The following PRR5 variants were observed in gnomAD, a reference collection of about 807,000 sequenced individuals.
The protein encoded by PRR5 is proline-rich protein 5.
A neutral mutation model predicts 30.6 loss-of-function variants in PRR5; 25 were observed. The ratio of observed to expected loss-of-function variants is 0.82; its 90% CI spans 0.60 to 1.14. The LOEUF (loss-of-function observed/expected upper bound fraction) is 1.14. Ranked by LOEUF, PRR5 falls within the 50% of genes most tolerant of loss-of-function variation. The pLI, the probability that PRR5 is intolerant of heterozygous loss-of-function variation, is 0.00. For missense variants in PRR5, 600 were observed against 547.1 expected (o/e 1.10, Z -0.96); for synonymous variants, 286 against 247.1 (o/e 1.16, Z -1.48).
chr22:44,735,274 C>G, intron 7 of PRR5, 112 bp downstream of exon 7: 1 of 1,372,526 alleles, frequency 7.3e-7, no homozygotes, highest in Non-Finnish European at 9.8e-7. Context: ...TGACTCCAGA[C>G]TGGTTCTCAG....
intron 2 of PRR5, among the ~76,000 whole-genome samples, chr22:44,717,433 C>G (rs1306512016): frequency 6.6e-6 from 1 of 152,060 alleles, no homozygotes; most frequent in East Asian, 1.9e-4. Context: ...CTCAGATGAT[C>G]CACCCGTCTC....
At chr22:44,699,339 G>C (rs2146991955), upstream of PRR5, among the ~76,000 whole-genome samples, 1 of 152,310 alleles carries the variant, frequency 6.6e-6, no homozygotes, top group Admixed American at 6.5e-5. Context: ...AGCAAGCTTG[G>C]GACCAGGCTG....
chr22:44,698,544 A>G (rs1925973042), upstream of PRR5, among the ~76,000 whole-genome samples: 1 of 152,076 alleles, frequency 6.6e-6, no homozygotes, highest in Non-Finnish European at 1.5e-5. Flanking sequence ...GCCACAATAC[A>G]ATTGCTGGGT....
chr22:44,728,191 G>A (rs184013378), intron 4 of PRR5, among the ~76,000 whole-genome samples: 5 of 152,316 alleles, frequency 3.3e-5, no homozygotes, highest in East Asian at 1.9e-4. Flanking sequence ...CTTCTGCCTC[G>A]CCAGCCCTTC....
intron 1 of PRR5, among the ~76,000 whole-genome samples, chr22:44,694,487 C>T (rs560104602): frequency 1.7e-4 from 26 of 152,284 alleles, no homozygotes; most frequent in Admixed American, 1.4e-3. Flanking sequence ...TAGCCGAGAT[C>T]GTGCCACTGC....
chr22:44,718,281 G>A (rs1480421941), intron 2 of PRR5, among the ~76,000 whole-genome samples: 2 of 132,194 alleles, frequency 1.5e-5, no homozygotes, highest in Admixed American at 9.3e-5. Context: ...TGCAACCTCC[G>A]CCTCCCGGGT....
chr22:44,719,874 A>G (rs951898349), intron 2 of PRR5, among the ~76,000 whole-genome samples: 1 of 152,194 alleles, frequency 6.6e-6, no homozygotes, highest in African/African-American at 2.4e-5. Flanking sequence ...GGAAGCAGCA[A>G]ACCCCCTGGA....
chr22:44,672,466 C>T (rs1044175971), upstream of PRR5, among the ~76,000 whole-genome samples: 2 of 152,132 alleles, frequency 1.3e-5, no homozygotes, highest in African/African-American at 4.8e-5. Flanking sequence ...CACCTGTAGT[C>T]CCAGCTACTC....
intron 1 of PRR5, among the ~76,000 whole-genome samples, chr22:44,695,386 G>C (rs748955551): frequency 7.9e-5 from 12 of 152,168 alleles, no homozygotes; most frequent in Non-Finnish European, 1.0e-4. Context: ...CAATAACAAG[G>C]GTGGCACCAG....
At chr22:44,710,255 A>G (rs1479782043) in intron 1 of PRR5, among the ~76,000 whole-genome samples, 1 of 150,746 alleles carries the variant, frequency 6.6e-6, no homozygotes, top group Non-Finnish European at 1.5e-5. Flanking sequence ...GAGCCTCCCT[A>G]AGGATCCTCC....
At chr22:44,678,391 C>T (rs1035412709) in intron 1 of PRR5, among the ~76,000 whole-genome samples, 14 of 146,732 alleles carry the variant, frequency 9.5e-5, no homozygotes, top group African/African-American at 3.3e-4. Flanking sequence ...GGCGCAATCT[C>T]GGCTCACTGC....
chr22:44,681,329 C>T (rs1335538660), intron 1 of PRR5, among the ~76,000 whole-genome samples: 3 of 152,122 alleles, frequency 2.0e-5, no homozygotes, highest in African/African-American at 4.8e-5. Context: ...GTGGCTTATG[C>T]CTCTAATCCC....
At chr22:44,703,353 T>G (rs974646379) in intron 1 of PRR5, among the ~76,000 whole-genome samples, 2 of 132,354 alleles carry the variant, frequency 1.5e-5, no homozygotes, top group African/African-American at 6.3e-5. Flanking sequence ...TGGACACTGT[T>G]CGGGGGAGGC....
At chr22:44,709,943 G>T (rs924316111) in intron 1 of PRR5, among the ~76,000 whole-genome samples, 5 of 152,168 alleles carry the variant, frequency 3.3e-5, no homozygotes, top group African/African-American at 9.7e-5. Context: ...GGGGTAATTT[G>T]TTATGGCCGC....
At chr22:44,723,746 G>A (rs945597077) in intron 2 of PRR5, among the ~76,000 whole-genome samples, 9 of 152,272 alleles carry the variant, frequency 5.9e-5, no homozygotes, top group Admixed American at 3.3e-4. Context: ...AAATAAAACA[G>A]TGGGAACATA....
Position 44,737,344 on chromosome 22 carries a change from G to T in PRR5, c.*97G>T. 1 of 1,474,250 alleles carries T rather than the reference G, an allele frequency of 6.8e-7. No homozygotes were observed. Among genetic ancestry groups the T allele is most frequent in the Non-Finnish European group, 9.0e-7 (1 of 1,114,106 alleles). The allele number at this position is 1,474,250 out of a possible 1,614,324, so 91.3% of individuals were successfully genotyped here. On this transcript the variant is annotated 3_prime_UTR_variant, in exon 8 of 8. Transcript: ENST00000336985. ...GAGTGAGACTTTTTTACTGCGTCCCGTCCCGCCAGCCCTATCGGCCTCGTC... is the reference window on the plus strand; with the variant it reads ...GAGTGAGACTTTTTTACTGCGTCCCTTCCCGCCAGCCCTATCGGCCTCGTC...
At chr22:44,679,590 C>G in intron 1 of PRR5, 1 of 454,616 alleles carries the variant, frequency 2.2e-6, no homozygotes. Context: ...GCCTGTAATC[C>G]CGGCTACTCG....
At chr22:44,715,677 C>T (rs927542436) in intron 2 of PRR5, among the ~76,000 whole-genome samples, 11 of 152,086 alleles carry the variant, frequency 7.2e-5, no homozygotes, top group South Asian at 6.2e-4. Context: ...GTTTTTGAGA[C>T]GGGGTCTTGC....
intron 1 of PRR5, among the ~76,000 whole-genome samples, chr22:44,711,447 A>G (rs989272698): frequency 6.6e-6 from 1 of 152,136 alleles, no homozygotes; most frequent in African/African-American, 2.4e-5. Context: ...AGAGGGCCAC[A>G]GGTCAGAGGG....
Sources: allele counts gnomAD v4.1 joint callset (sites outside exome capture counted in the v4.1 genomes callset), GRCh38; gene constraint gnomAD v4.1.1; transcripts MANE v1.5; gene names NCBI Gene and HGNC (gene_info 2026-07-23, HGNC 2026-07-21).